PIGO: variants seen among roughly 807,000 people sequenced by gnomAD.
The protein encoded by PIGO is GPI ethanolamine phosphate transferase 3, catalytic subunit.
Under a neutral mutation model 86.9 loss-of-function variants are expected in PIGO, and 66 were observed. That is an observed-to-expected ratio of 0.76 (90% CI 0.62 to 0.93). PIGO has a LOEUF of 0.93. PIGO is among the 40% of genes least tolerant of loss of function. The pLI, the probability that PIGO is intolerant of heterozygous loss-of-function variation, is 0.00. For missense variants in PIGO, 1,202 were observed against 1,359.1 expected, an observed-to-expected ratio of 0.88 and a Z score of 1.82; for synonymous variants, 570 against 556.4, an observed-to-expected ratio of 1.02 and a Z score of -0.34.
At chr9:35,089,574 A>G in intron 9 of PIGO, 124 bp from the exon 10 acceptor site, 1 of 1,519,200 alleles carries the variant, frequency 6.6e-7, no homozygotes, top group South Asian at 1.3e-5. Context: ...AGTGGAAAAA[A>G]TATTGCATGT....
chr9:35,092,046 G>A lies in PIGO; in HGVS notation c.1841C>T (p.Pro614Leu), dbSNP rs749184960. The A allele has an allele frequency of 6.2e-6, 10 of 1,614,108 alleles. No individual in the cohort carries two copies. The African/African-American group carries it at 1.2e-4, about 19-fold the overall frequency. The part of the protein sequence containing the change: ...RLGTSATTNP[P>L]RHNGAYALRL... ...CAGGGCATATGCACCATTGTGCCGT[G>A]GGGGGTTTGTTGTGGCTGAAGTGCC... Residue 614 changes from proline to leucine, a missense_variant, in exon 7 of 11, where the codon CCA becomes CTA. By Grantham distance (98) the Pro-to-Leu change is moderately conservative. Coordinates refer to ENST00000378617, the MANE Select transcript of PIGO (RefSeq NM_032634.4).
intron 9 of PIGO, 97 bp downstream of exon 9, chr9:35,089,969 C>CA (rs1829336814): frequency 6.7e-7 from 1 of 1,498,330 alleles, no homozygotes; most frequent in East Asian, 2.3e-5. Flanking sequence ...ATGTGAAACT[C>CA]AGTCAAGGCT....
Position 35,090,554 on chromosome 9 carries a change from C to G in PIGO, c.2766G>C (p.Val922=), listed in dbSNP as rs752914475. 3 of 1,614,248 alleles carry G rather than the reference C, an allele frequency of 1.9e-6. No homozygotes were observed. Among genetic ancestry groups the G allele is most frequent in the Non-Finnish European group, 2.5e-6 (3 of 1,180,048 alleles). The change falls in exon 8 of 11, where the codon GTG becomes GTC. Residue 922 remains valine, a synonymous_variant. Transcript: ENST00000378617. ...AGGAGCCATGACCCTCTGGGAATCC[C>G]ACGAAGGCTGCATGCCAATGGATGG... ...FPAIHWHAAF[V]GFPEGHGSCT... is the part of the protein sequence containing the mutation.
In PIGO at chr9:35,090,580, C is replaced by A; in HGVS notation, c.2740G>T (p.Ala914Ser). 6.2e-7 allele frequency: 1 copy of A among 1,614,202 alleles called. No individual in the cohort carries two copies. Among genetic ancestry groups the A allele is most frequent in the Non-Finnish European group, 8.5e-7 (1 of 1,180,040 alleles). The change falls in exon 8 of 11, where the codon GCC becomes TCC. Residue 914 changes from alanine (A) to serine (S), a missense_variant. By Grantham distance (99) the Ala-to-Ser change is moderately conservative (BLOSUM62 1). Transcript: ENST00000378617. ...YSTGHQPVFP[A>S]IHWHAAFVGF... is the part of the protein sequence containing the mutation. ...ACGAAGGCTGCATGCCAATGGATGG[C>A]TGGAAAGACAGGCTGGTGGCCTGTG... is the stretch of plus-strand genomic sequence containing the variant.
chr9:35,091,702 GA>G lies in PIGO; in HGVS notation c.2184del (p.Arg731ValfsTer17). 1 of 1,612,428 alleles carries G rather than the reference GA, an allele frequency of 6.2e-7. No homozygotes were observed. The highest frequency in any genetic ancestry group is 1.1e-5 in the South Asian group (1 of 91,088). ...YWALASGADEAPPRLRVLVSG... is the reference protein window; with the variant it reads ...YWALASGADEXPPRLRVLVSG... Reference sequence around the variant, plus strand: ...GAGACCAGGACCCGGAGACGGGGGGGAGCCTCATCTGCCCCCGACGCCAATG... The same window carrying G: ...GAGACCAGGACCCGGAGACGGGGGGGGCCTCATCTGCCCCCGACGCCAATG... On this transcript the variant is annotated frameshift_variant, in exon 7 of 11. Transcript: ENST00000378617. LOFTEE classifies it high-confidence loss of function.
rs780311193 is a variant in PIGO at position 35,090,124 on chromosome 9, T to C, written c.3011A>G (p.His1004Arg). 1.2e-6 allele frequency: 2 copies of C among 1,614,226 alleles called. No individual in the cohort carries two copies. Residue 1004 changes from histidine to arginine, a missense_variant, in exon 9 of 11, where the codon CAC becomes CGC. Physicochemically the swap from His to Arg is conservative, Grantham distance 29. Coordinates refer to ENST00000378617, the MANE Select transcript of PIGO (RefSeq NM_032634.4). ...CAGCTGCAGCAGTGCTGCATAGAAG[T>C]GCTGAGGCGCATCCCGGAGCCGCAT... ...MEMRLRDAPQHFYAALLQLGL... is the reference protein window; with the variant it reads ...MEMRLRDAPQRFYAALLQLGL...
chr9:35,091,069 G>T, intron 7 of PIGO, 171 bp downstream of exon 7: 1 of 728,394 alleles, frequency 1.4e-6, no homozygotes, highest in Non-Finnish European at 2.2e-6. Flanking sequence ...GGATCAATTT[G>T]CTTGGCTATG....
intron 2 of PIGO, 50 bp from the exon 3 acceptor site, chr9:35,094,409 G>C (rs754881334): frequency 6.4e-7 from 1 of 1,567,788 alleles, no homozygotes; most frequent in East Asian, 2.3e-5. Context: ...GTCAGGGTTA[G>C]GAGAAAAGAG....
Position 35,092,744 on chromosome 9 carries a change from G to A in PIGO, c.1143C>T (p.Tyr381=). ...AQQVSRFLHT[Y]SAATQDLQAK... ...CTTGAAGGTCCTGAGTAGCAGCTGA[G>A]TAGGTATGAAGAAATCGGGACACCT... The change falls in exon 7 of 11, where the codon TAC becomes TAT. Residue 381 remains tyrosine (Y), a synonymous_variant. Coordinates refer to ENST00000378617, the MANE Select transcript of PIGO (RefSeq NM_032634.4). 2 of 1,610,704 alleles carry A rather than the reference G, an allele frequency of 1.2e-6. No individual in the cohort carries two copies. The highest frequency in any genetic ancestry group is 8.5e-7 in the Non-Finnish European group (1 of 1,179,132).
chr9:35,088,977 A>G lies in PIGO; in HGVS notation c.*115T>C. On this transcript the variant is annotated 3_prime_UTR_variant, in exon 11 of 11. Transcript: ENST00000378617. ...CTAGATGTCAGCGGCCCCTGGCTGC[A>G]TGATAGTAAGAGTATGGCTGAGCCT... 2.8e-6 allele frequency: 4 copies of G among 1,426,820 alleles called. No homozygotes were observed. The highest frequency in any genetic ancestry group is 2.9e-6 in the Non-Finnish European group (3 of 1,049,468). The allele number at this position is 1,426,820 out of a possible 1,614,324, so 88.4% of individuals were successfully genotyped here. A position where few individuals can be genotyped will look rare whatever the true frequency, so the allele number is the denominator to read the frequency against.
intron 9 of PIGO, 41 bp downstream of exon 9, chr9:35,090,025 G>C: frequency 3.2e-6 from 5 of 1,586,178 alleles, no homozygotes; most frequent in East Asian, 2.3e-5. Context: ...TGCACACACA[G>C]AGAAAAAACA....
At position 35,090,275 on chromosome 9, in the gene PIGO, AACCT is replaced by A; in HGVS notation, c.2856_2859del (p.Gly953AlafsTer40). ...AAAGGCCAGAGCAGGAGCAGTGGGC[AACCT>A]ACTGCCTCAAGAGAGGGTATGGCTG... On this transcript the variant is annotated frameshift_variant and splice_region_variant, in exon 9 of 11. Coordinates refer to ENST00000378617, the MANE Select transcript of PIGO (RefSeq NM_032634.4). LOFTEE classifies it high-confidence loss of function. 6.2e-7 allele frequency: 1 copy of A among 1,613,416 alleles called. No individual in the cohort carries two copies. The highest frequency in any genetic ancestry group is 8.5e-7 in the Non-Finnish European group (1 of 1,179,522).
intron 4 of PIGO, 50 bp downstream of exon 4, chr9:35,093,851 C>T (rs746271795): frequency 1.6e-5 from 26 of 1,598,414 alleles, no homozygotes; most frequent in South Asian, 9.0e-5. Flanking sequence ...AGAGCTTCTT[C>T]GAGATTCTCA....
Position 35,091,240 on chromosome 9 carries a change from C to T in PIGO, c.2647G>A (p.Gly883Ser). 1 of 1,583,618 alleles carries T rather than the reference C, an allele frequency of 6.3e-7. No homozygotes were observed. The highest frequency in any genetic ancestry group is 8.6e-7 in the Non-Finnish European group (1 of 1,164,510). ...AGTGAATCAGAGCTGAGATATTTAC[C>T]AGGGGTGGTGACGGGTATCCCAGCA... Reference protein sequence around the residue: ...LAAGIPVTTPGPFTVPWQAVS... With the variant: ...LAAGIPVTTPSPFTVPWQAVS... The change falls in exon 7 of 11, where the codon GGT becomes AGT. Residue 883 changes from glycine (G) to serine (S), a missense_variant and splice_region_variant. Physicochemically the swap from Gly to Ser is moderately conservative, Grantham distance 56. Transcript: ENST00000378617.
rs368691880 is a variant in PIGO, at chr9:35,093,100, C to G, written c.1049G>C (p.Gly350Ala). Residue 350 changes from glycine (G) to alanine (A), a missense_variant, in exon 6 of 11, where the codon GGG (glycine) becomes GCG (alanine). Coordinates refer to ENST00000378617, the MANE Select transcript of PIGO (RefSeq NM_032634.4). Reference protein sequence around the residue: ...IGEVMAELFSGGEDSQPHSSA... With the variant: ...IGEVMAELFSAGEDSQPHSSA... ...GGAGTGGGGCTGGGAGTCCTCACCC[C>G]CTGAGAATAGCTCAGCCATCACTTC... 7 of 1,614,094 alleles carry G rather than the reference C, an allele frequency of 4.3e-6. No individual in the cohort carries two copies. In the Admixed American group the frequency reaches 5.0e-5, roughly 12 times the overall value.
At chr9:35,095,782 G>A (rs1829644683) in intron 1 of PIGO, 1 of 580,832 alleles carries the variant, frequency 1.7e-6, no homozygotes, top group African/African-American at 1.9e-5. Flanking sequence ...GGGAGGCCGA[G>A]GCGGGCGGAT....
At chr9:35,089,295 G>A (rs1829309536) in intron 10 of PIGO, 74 bp from the exon 11 acceptor site, 2 of 1,613,376 alleles carry the variant, frequency 1.2e-6, no homozygotes, top group South Asian at 2.2e-5. Context: ...CAAAACCTTG[G>A]CCATCCTGGA....
Position 35,095,409 on chromosome 9 carries a change from C to T in PIGO, c.157G>A (p.Gly53Arg), listed in dbSNP as rs1361264867. ...EPPGPGSLPW[G>R]SQGKPGACWM... ...CAGGCCCCAGGTTTCCCTTGGCTCC[C>T]CCATGGCAGGGACCCAGGGCCTGGG... The change falls in exon 2 of 11, where the codon GGG becomes AGG. Residue 53 changes from glycine to arginine, a missense_variant. Physicochemically the swap from Gly to Arg is moderately radical, Grantham distance 125. Coordinates refer to ENST00000378617, the MANE Select transcript of PIGO (RefSeq NM_032634.4). 3 of 1,614,018 alleles carry T rather than the reference C, an allele frequency of 1.9e-6. No individual in the cohort carries two copies. In the African/African-American group the frequency reaches 4.0e-5, roughly 22 times the overall value.
chr9:35,091,076 T>C, intron 7 of PIGO, 164 bp downstream of exon 7: 1 of 778,998 alleles, frequency 1.3e-6, no homozygotes, highest in Non-Finnish European at 2.0e-6. Flanking sequence ...TTTGCTTGGC[T>C]ATGGCAGGTA....
Sources: allele counts gnomAD v4.1 joint callset, GRCh38; gene constraint gnomAD v4.1.1; transcripts MANE v1.5; gene names NCBI Gene and HGNC (gene_info 2026-07-23, HGNC 2026-07-21).